Variants in PARVB observed in about 807,000 individuals in gnomAD.
PARVB encodes parvin beta.
Under a neutral mutation model 47.0 loss-of-function variants are expected in PARVB, and 46 were observed. That is an observed-to-expected ratio of 0.98 (90% CI 0.77 to 1.25). The LOEUF (loss-of-function observed/expected upper bound fraction) is 1.25, where lower values mean the gene tolerates loss of function less well. Ranked by LOEUF, PARVB falls within the 50% of genes most tolerant of loss-of-function variation. The pLI is 0.00. For missense variants in PARVB, 473 were observed against 471.6 expected (o/e 1.00, Z -0.03); for synonymous variants, 196 against 196.3 (o/e 1.00, Z 0.01).
At chr22:44,004,710 A>G (rs1258197609) in intron 2 of PARVB, among the ~76,000 whole-genome samples, 1 of 152,212 alleles carries the variant, frequency 6.6e-6, no homozygotes, top group Non-Finnish European at 1.5e-5. Context: ...TCGGGGCTCA[A>G]ACTTTCTGGA....
chr22:44,172,633 G>A lies in PARVB; in HGVS notation c.*3955G>A. On this transcript the variant is annotated 3_prime_UTR_variant, in exon 13 of 13. Coordinates refer to ENST00000338758, the MANE Select transcript of PARVB (RefSeq NM_013327.5). Reference sequence around the variant, plus strand: ...GGGCCGTGGTGTCCTAATTGTCTTGGTGACAAAGAGCAATTTTATTTTAAA... The same window carrying A: ...GGGCCGTGGTGTCCTAATTGTCTTGATGACAAAGAGCAATTTTATTTTAAA... 1 of 241,656 alleles carries A rather than the reference G, an allele frequency of 4.1e-6. No homozygotes were observed. Among genetic ancestry groups the A allele is most frequent in the South Asian group, 4.0e-5 (1 of 25,062 alleles). The allele number at this position is 241,656 out of a possible 1,614,324, so 15.0% of individuals were successfully genotyped here. A position where few individuals can be genotyped will look rare whatever the true frequency, so the allele number is the denominator to read the frequency against.
chr22:44,052,712 G>A (rs537924487), intron 1 of PARVB, among the ~76,000 whole-genome samples: 152 of 152,322 alleles, frequency 1.0e-3, no homozygotes, highest in African/African-American at 3.5e-3. Context: ...GGAGGCTGAG[G>A]CAGGCGGATT....
At chr22:44,011,705 T>C (rs2050525024) in intron 2 of PARVB, among the ~76,000 whole-genome samples, 1 of 152,130 alleles carries the variant, frequency 6.6e-6, no homozygotes, top group Non-Finnish European at 1.5e-5. Flanking sequence ...ACCCCTGCCG[T>C]AGACCACTGT....
At chr22:44,066,783 C>CCTCCTCCTCCTCCTCCTCCTCCTT (rs2051534289) in intron 1 of PARVB, among the ~76,000 whole-genome samples, 1 of 31,800 alleles carries the variant, frequency 3.1e-5, no homozygotes, top group African/African-American at 1.6e-4. Flanking sequence ...AATTATTTCT[C>CCTCCTCCTCCTCCTCCTCCTCCTT]CTCCTCCTCC....
intron 8 of PARVB, chr22:44,140,374 A>G: frequency 1.4e-6 from 1 of 712,466 alleles, no homozygotes; most frequent in Admixed American, 1.9e-5. Context: ...AGTGGGGTGG[A>G]AGGCTGGGTG....
chr22:44,159,013 G>C (rs1010494083), intron 11 of PARVB, among the ~76,000 whole-genome samples: 11 of 152,120 alleles, frequency 7.2e-5, no homozygotes, highest in South Asian at 2.1e-4. Flanking sequence ...TGCTGAGATG[G>C]AATCAGGACA....
chr22:44,099,199 C>G (rs576381278), intron 2 of PARVB, among the ~76,000 whole-genome samples: 10 of 152,306 alleles, frequency 6.6e-5, no homozygotes, highest in Admixed American at 3.3e-4. Context: ...CCCACCCGAC[C>G]CATGCTCTGT....
intron 2 of PARVB, among the ~76,000 whole-genome samples, chr22:44,006,266 A>T (rs532416503): frequency 6.7e-6 from 1 of 149,242 alleles, no homozygotes; most frequent in African/African-American, 2.5e-5. Flanking sequence ...AATGCTTTCA[A>T]TAGTGTATAT....
chr22:44,074,777 C>T (rs1412587281), intron 1 of PARVB, among the ~76,000 whole-genome samples: 1 of 152,228 alleles, frequency 6.6e-6, no homozygotes, highest in Non-Finnish European at 1.5e-5. Flanking sequence ...GCAGTTAGAG[C>T]GTGGCCGTGT....
At chr22:44,052,857 C>T (rs896622800) in intron 1 of PARVB, among the ~76,000 whole-genome samples, 54 of 152,090 alleles carry the variant, frequency 3.6e-4, no homozygotes, top group African/African-American at 1.3e-3. Flanking sequence ...GTGGGAAGAT[C>T]CCTTGAGCTC....
intron 3 of PARVB, chr22:44,106,294 T>G (rs1164040839): frequency 6.6e-6 from 1 of 152,116 alleles, no homozygotes; most frequent in Non-Finnish European, 1.5e-5. Context: ...AGATGGACAG[T>G]CCGGATGGTG....
chr22:44,020,075 C>T (rs1281832563), upstream of PARVB, among the ~76,000 whole-genome samples: 1 of 152,146 alleles, frequency 6.6e-6, no homozygotes. Flanking sequence ...GCAGCGGCGC[C>T]AGCTGGGTGT....
At chr22:44,015,404 C>G (rs1026187818) in intron 2 of PARVB, among the ~76,000 whole-genome samples, 2 of 152,194 alleles carry the variant, frequency 1.3e-5, no homozygotes, top group African/African-American at 4.8e-5. Flanking sequence ...TAGAAAAGGG[C>G]TACCTGGGGC....
intron 1 of PARVB, among the ~76,000 whole-genome samples, chr22:44,043,659 A>G (rs865823853): frequency 9.2e-5 from 14 of 152,234 alleles, no homozygotes; most frequent in African/African-American, 3.1e-4. Flanking sequence ...TTACAGGCGT[A>G]AGCCACTGCG....
At chr22:44,134,530 T>G (rs2053401067) in intron 6 of PARVB, among the ~76,000 whole-genome samples, 1 of 152,210 alleles carries the variant, frequency 6.6e-6, no homozygotes, top group Non-Finnish European at 1.5e-5. Flanking sequence ...AAGCACTTGC[T>G]GGTGCTTCCT....
chr22:44,007,152 G>A (rs1362829296), intron 2 of PARVB, among the ~76,000 whole-genome samples: 3 of 152,188 alleles, frequency 2.0e-5, no homozygotes, highest in Admixed American at 6.5e-5. Context: ...TAGTGTGTGC[G>A]AGGCTGCGTT....
At chr22:44,161,580 G>A (rs1219675950) in intron 11 of PARVB, among the ~76,000 whole-genome samples, 1 of 152,140 alleles carries the variant, frequency 6.6e-6, no homozygotes, top group Admixed American at 6.5e-5. Flanking sequence ...CCAAAGTGCT[G>A]GGATTACAGG....
chr22:44,060,474 G>A (rs1334833425), intron 1 of PARVB, among the ~76,000 whole-genome samples: 1 of 152,128 alleles, frequency 6.6e-6, no homozygotes, highest in African/African-American at 2.4e-5. Flanking sequence ...GAAAGATGGT[G>A]GAAGCTGGGA....
intron 10 of PARVB, chr22:44,153,124 A>G (rs898491407): frequency 2.0e-5 from 3 of 152,066 alleles, no homozygotes; most frequent in Non-Finnish European, 4.4e-5. Flanking sequence ...TGGCCAACAC[A>G]TTTCTTATTT....
Sources: gnomAD v4.1 joint callset for allele counts (sites outside exome capture counted in the v4.1 genomes callset) on GRCh38, gnomAD v4.1.1 for gene constraint, MANE v1.5 for transcripts, NCBI Gene and HGNC (gene_info 2026-07-23, HGNC 2026-07-21) for gene names.